EXTL3: variants seen among roughly 807,000 people sequenced by gnomAD.
EXTL3 encodes exostosin like glycosyltransferase 3, also known as exostosin-like 3.
In EXTL3, 27 loss-of-function variants were observed where a neutral mutation model predicts 69.3. The observed-to-expected ratio is 0.39, with a 90% CI of 0.29 to 0.54. The LOEUF is 0.54. Among genes scored for constraint, EXTL3 ranks in the 20% least tolerant of loss-of-function variants. The pLI is 0.69. For missense variants in EXTL3, 1,003 were observed against 1,231.8 expected (o/e 0.81, Z 2.78); for synonymous variants, 511 against 499.4 (o/e 1.02, Z -0.31).
chr8:28,694,181 C>T (rs1249315048), intron 1 of EXTL3, among the ~76,000 whole-genome samples: 4 of 152,132 alleles, frequency 2.6e-5, no homozygotes, highest in Admixed American at 6.6e-5. Flanking sequence ...ATATTAAACA[C>T]GTGGGGAAAA....
chr8:28,648,720 A>G (rs1806873070), intron 1 of EXTL3, among the ~76,000 whole-genome samples: 1 of 151,874 alleles, frequency 6.6e-6, no homozygotes, highest in Non-Finnish European at 1.5e-5. Context: ...ATGCATGCAC[A>G]GATCATAAGG....
chr8:28,661,852 T>C (rs946177337), intron 1 of EXTL3, among the ~76,000 whole-genome samples: 1 of 151,460 alleles, frequency 6.6e-6, no homozygotes. Flanking sequence ...GCCACTGCAC[T>C]CCAGCCTGGG....
chr8:28,720,239 A>T (rs1195080126), intron 3 of EXTL3, among the ~76,000 whole-genome samples: 3 of 152,298 alleles, frequency 2.0e-5, no homozygotes, highest in Non-Finnish European at 4.4e-5. Flanking sequence ...CACTACTGTG[A>T]TACACCTCAG....
In EXTL3 at chr8:28,656,932, C is replaced by CT. The variant is rs374704055; in HGVS notation, c.-53+34131dup. On this transcript the variant is annotated intron_variant, in intron 1 of 6. Transcript: ENST00000523149. ...TTCTTCACACTCTCTCTCTCTCTTA[C>CT]TTTTTTTTTGTTTATTTTGAGACAG... is the stretch of plus-strand genomic sequence containing the variant. 1.9e-3 allele frequency among the ~76,000 whole-genome samples: 292 copies of CT among 150,688 alleles called. 2 individuals carry two copies. The highest frequency in any genetic ancestry group is 6.6e-3 in the African/African-American group (270 of 41,072).
At chr8:28,619,293 A>T (rs1375805154), upstream of EXTL3, among the ~76,000 whole-genome samples, 1 of 74,172 alleles carries the variant, frequency 1.3e-5, no homozygotes, top group African/African-American at 4.7e-5. Flanking sequence ...AAAAAAAAAA[A>T]AAAAAAAAAA....
intron 1 of EXTL3, among the ~76,000 whole-genome samples, chr8:28,626,834 A>G (rs770634534): frequency 3.0e-4 from 45 of 152,222 alleles, no homozygotes; most frequent in Admixed American, 1.0e-3. Context: ...CTCAGGCGTC[A>G]GCATGGGAGT....
At chr8:28,680,799 A>G (rs909696780) in intron 1 of EXTL3, among the ~76,000 whole-genome samples, 1 of 152,170 alleles carries the variant, frequency 6.6e-6, no homozygotes, top group African/African-American at 2.4e-5. Context: ...AGTGAGATCA[A>G]TGCAGTATTT....
At chr8:28,702,470 C>T (rs1200669564) in intron 1 of EXTL3, among the ~76,000 whole-genome samples, 1 of 152,248 alleles carries the variant, frequency 6.6e-6, no homozygotes, top group Non-Finnish European at 1.5e-5. Flanking sequence ...GCTTTCTCTT[C>T]CCCACATTGA....
intron 1 of EXTL3, among the ~76,000 whole-genome samples, chr8:28,645,240 T>A (rs1417003306): frequency 6.6e-6 from 1 of 152,208 alleles, no homozygotes; most frequent in Non-Finnish European, 1.5e-5. Context: ...TGCTTTAATT[T>A]AAAAATTCCA....
intron 1 of EXTL3, among the ~76,000 whole-genome samples, chr8:28,629,125 A>C (rs1040216691): frequency 6.6e-6 from 1 of 151,992 alleles, no homozygotes; most frequent in African/African-American, 2.4e-5. Flanking sequence ...CAAAGGGAGG[A>C]TGTGAAGCCA....
intron 1 of EXTL3, among the ~76,000 whole-genome samples, chr8:28,669,541 G>A (rs866059280): frequency 1.3e-5 from 2 of 152,206 alleles, no homozygotes; most frequent in Non-Finnish European, 2.9e-5. Context: ...TTGAGAAGGG[G>A]TGTGTGTGTT....
intron 1 of EXTL3, among the ~76,000 whole-genome samples, chr8:28,641,601 G>A (rs1392930186): frequency 3.3e-5 from 5 of 150,594 alleles, no homozygotes; most frequent in East Asian, 2.0e-4. Context: ...CTCAGCCTCC[G>A]GAGTAGCTGG....
At chr8:28,732,810 G>A (rs1585288219) in intron 4 of EXTL3, among the ~76,000 whole-genome samples, 2 of 152,186 alleles carry the variant, frequency 1.3e-5, no homozygotes, top group South Asian at 4.2e-4. Context: ...TGCAACCTCT[G>A]CCTCCCAGGT....
In EXTL3 at chr8:28,754,410, T is replaced by G. The variant is rs1444898056; in HGVS notation, c.*3544T>G. The G allele has an allele frequency of 6.6e-6, 1 of 152,036 alleles. No homozygotes were observed. Among genetic ancestry groups the G allele is most frequent in the African/African-American group, 2.4e-5 (1 of 41,460 alleles). The allele number at this position is 152,036 out of a possible 1,614,324, so 9.4% of individuals were successfully genotyped here. On this transcript the variant is annotated 3_prime_UTR_variant, in exon 7 of 7. Transcript: ENST00000220562. Reference sequence around the variant, plus strand: ...TGACAGTCCTAAGAATGGGTGAGACTTAACAGTCGGTGTCCCTCCTCAAGT... The same window carrying G: ...TGACAGTCCTAAGAATGGGTGAGACGTAACAGTCGGTGTCCCTCCTCAAGT...
intron 3 of EXTL3, among the ~76,000 whole-genome samples, chr8:28,722,378 G>A (rs192810328): frequency 1.3e-5 from 2 of 152,352 alleles, no homozygotes; most frequent in Admixed American, 6.5e-5. Context: ...GCGAGGAGCG[G>A]TGGTAGAGAG....
intron 1 of EXTL3, among the ~76,000 whole-genome samples, chr8:28,643,558 G>A (rs1806779645): frequency 6.6e-6 from 1 of 151,790 alleles, no homozygotes; most frequent in Non-Finnish European, 1.5e-5. Context: ...GGGACTACAG[G>A]CGCCCGCTAC....
intron 1 of EXTL3, among the ~76,000 whole-genome samples, chr8:28,677,324 C>G (rs1807403593): frequency 6.6e-6 from 1 of 152,052 alleles, no homozygotes; most frequent in African/African-American, 2.4e-5. Flanking sequence ...CTCCTTGGAG[C>G]CGCTATTTAC....
intron 1 of EXTL3, among the ~76,000 whole-genome samples, chr8:28,668,324 CTTTTT>C (rs71549687): frequency 2.4e-5 from 2 of 82,552 alleles, no homozygotes; most frequent in African/African-American, 5.3e-5. Flanking sequence ...AGAGTTGTTA[CTTTTT>C]TTTTTTTTTT....
rs139624117 is a variant in EXTL3 at position 28,749,623 on chromosome 8, TTTCATTCATTCA to T, written c.2551-1003_2551-992del. 7.0e-3 allele frequency among the ~76,000 whole-genome samples: 1,050 copies of T among 150,604 alleles called. 5 individuals are homozygous for T. The highest frequency in any genetic ancestry group is 0.014 in the South Asian group (64 of 4,706). ...TTTTTCATTGTTTGGCCTCTGAGGA[TTTCATTCATTCA>T]TTCATTCATTCATTCATTCATTCAT... On this transcript the variant is annotated intron_variant, in intron 6 of 6. Coordinates refer to ENST00000220562, the MANE Select transcript of EXTL3 (RefSeq NM_001440.4).
Sources: allele counts gnomAD v4.1 joint callset (sites outside exome capture counted in the v4.1 genomes callset), GRCh38; gene constraint gnomAD v4.1.1; transcripts MANE v1.5; gene names NCBI Gene and HGNC (gene_info 2026-07-23, HGNC 2026-07-21).